RBM6: variants seen among roughly 807,000 people sequenced by gnomAD.
The protein encoded by RBM6 is RNA-binding protein 6.
RBM6 carries 23 observed loss-of-function variants against 140.4 expected under a neutral mutation model. The observed-to-expected ratio is 0.16, with a 90% CI of 0.12 to 0.23. The LOEUF is 0.23. RBM6 is among the 10% of genes least tolerant of loss of function. The pLI is 1.00. For synonymous variants in RBM6, 439 were observed against 475.6 expected, an observed-to-expected ratio of 0.92 and a Z score of 1.00; for missense variants, 1,139 against 1,386.7, an observed-to-expected ratio of 0.82 and a Z score of 2.84.
rs377062660 is a variant in RBM6, at chr3:50,006,708, G to A, written c.1557+7195G>A. Among the ~76,000 whole-genome samples the A allele has an allele frequency of 4.8e-4, 73 of 151,618 alleles. 1 individual carries two copies. In the Middle Eastern group the frequency reaches 0.01, roughly 21 times the overall value. On this transcript the variant is annotated intron_variant, in intron 6 of 20. Transcript: ENST00000266022. Reference sequence around the variant, plus strand: ...AGCAAGTTGGGAGGCCAAGACGGGCGGATCACGAGGTCAGGAGATGGAGAC... The same window carrying A: ...AGCAAGTTGGGAGGCCAAGACGGGCAGATCACGAGGTCAGGAGATGGAGAC...
intron 1 of RBM6, among the ~76,000 whole-genome samples, chr3:49,952,959 G>A (rs2083804238): frequency 6.6e-6 from 1 of 152,170 alleles, no homozygotes; most frequent in Admixed American, 6.6e-5. Context: ...TGTTGCCCAG[G>A]TTGGTCTTGA....
At chr3:49,985,171 T>G (rs2085501531) in intron 5 of RBM6, among the ~76,000 whole-genome samples, 1 of 152,214 alleles carries the variant, frequency 6.6e-6, no homozygotes, top group Non-Finnish European at 1.5e-5. Flanking sequence ...AAGAGGTACT[T>G]CTGCTACAGT....
At chr3:50,004,953 A>G (rs947696196) in intron 6 of RBM6, among the ~76,000 whole-genome samples, 1 of 152,116 alleles carries the variant, frequency 6.6e-6, no homozygotes, top group African/African-American at 2.4e-5. Flanking sequence ...GTATGACACT[A>G]TCAGTCTTTC....
At chr3:50,043,504 GATCT>G (rs1305708994) in intron 6 of RBM6, among the ~76,000 whole-genome samples, 1 of 147,546 alleles carries the variant, frequency 6.8e-6, no homozygotes, top group African/African-American at 2.5e-5. Flanking sequence ...AAAAAAGAGA[GATCT>G]ATCTCTCTTC....
At chr3:49,981,614 C>T (rs1419726072) in intron 5 of RBM6, 1 of 152,184 alleles carries the variant, frequency 6.6e-6, no homozygotes, top group African/African-American at 2.4e-5. Flanking sequence ...GCCTTGCCTA[C>T]CTAATATCAG....
At chr3:49,945,881 C>CAAAAAAA (rs67271820) in intron 1 of RBM6, among the ~76,000 whole-genome samples, 10 of 61,910 alleles carry the variant, frequency 1.6e-4, no homozygotes, top group African/African-American at 2.4e-4. Context: ...GACTCCATCT[C>CAAAAAAA]AAAAAAAAAA....
rs200793534 is a variant in RBM6 at position 49,951,719 on chromosome 3, T to TA, written c.-66-10857_-66-10856insA. 1.9e-4 allele frequency among the ~76,000 whole-genome samples: 28 copies of TA among 150,136 alleles called. 1 individual carries two copies. Among genetic ancestry groups the TA allele is most frequent in the South Asian group, 6.3e-4 (3 of 4,726 alleles). ...CAGTTATTATTATTATTATTATTAT[T>TA]TTTTTGTTGTTCTGTTTTTTTGAGG... On this transcript the variant is annotated intron_variant, in intron 1 of 20. Transcript: ENST00000266022.
intron 8 of RBM6, among the ~76,000 whole-genome samples, chr3:50,056,174 G>A (rs1379913426): frequency 2.0e-5 from 3 of 152,132 alleles, no homozygotes; most frequent in African/African-American, 7.2e-5. Flanking sequence ...GAAGGAGGAT[G>A]AACAACTGAG....
chr3:49,948,143 GGT>G (rs2083573968), intron 1 of RBM6, among the ~76,000 whole-genome samples: 1 of 152,020 alleles, frequency 6.6e-6, no homozygotes, highest in Non-Finnish European at 1.5e-5. Flanking sequence ...ATTTATTTCT[GGT>G]CTCTCCATTC....
chr3:50,057,312 C>T (rs543935250), intron 8 of RBM6, among the ~76,000 whole-genome samples: 6 of 152,058 alleles, frequency 3.9e-5, no homozygotes, highest in African/African-American at 9.7e-5. Context: ...CCAGGCCGGG[C>T]GTGTTTGCTC....
rs775469883 is a variant in RBM6, at chr3:49,967,958, G to A, written c.533G>A (p.Arg178Gln). 2.2e-5 allele frequency: 36 copies of A among 1,614,008 alleles called. No homozygotes were observed. Among genetic ancestry groups the A allele is most frequent in the Non-Finnish European group, 2.8e-5 (33 of 1,180,038 alleles). ...RDAPPSDFRG[R>Q]GTYDLDFRGR... ...GCTCCTCCATCTGACTTCAGGGGCC[G>A]GGGCACTTATGATTTAGATTTTAGA... The change falls in exon 3 of 21, where the codon CGG (arginine) becomes CAG (glutamine). Residue 178 changes from arginine (R) to glutamine (Q), a missense_variant. Around this residue, in one of 9 missense-constraint regions of RBM6, gnomAD observed 566 missense variants for 612.7 expected, o/e 0.92. Transcript: ENST00000266022. The surrounding 1 kb of genome is among the most constrained non-coding windows in gnomAD (Gnocchi z 4.0).
chr3:50,060,323 A>G (rs2089884536), intron 11 of RBM6, among the ~76,000 whole-genome samples: 1 of 152,002 alleles, frequency 6.6e-6, no homozygotes, highest in Non-Finnish European at 1.5e-5. Flanking sequence ...TCCTTCACTC[A>G]TCTTGACCCA....
Position 50,001,647 on chromosome 3 carries a change from C to T in RBM6, c.1557+2134C>T, listed in dbSNP as rs542092494. ...GGTCCTGGAACCAATCCCCTGTGGA[C>T]ACCAAGGGACAACTGTACTAACCAT... On this transcript the variant is annotated intron_variant, in intron 6 of 20. Transcript: ENST00000266022. Among the ~76,000 whole-genome samples the T allele has an allele frequency of 2.1e-4, 32 of 152,238 alleles. 1 individual carries two copies. Among genetic ancestry groups the T allele is most frequent in the African/African-American group, 7.5e-4 (31 of 41,542 alleles).
At chr3:49,998,814 T>C (rs1019292012) in intron 5 of RBM6, among the ~76,000 whole-genome samples, 7 of 152,354 alleles carry the variant, frequency 4.6e-5, no homozygotes, top group Admixed American at 2.0e-4. Flanking sequence ...TTCTTCCTTT[T>C]ATAAAGATTT....
At chr3:50,046,616 A>T (rs1332061486) in intron 6 of RBM6, among the ~76,000 whole-genome samples, 3 of 150,334 alleles carry the variant, frequency 2.0e-5, no homozygotes, top group South Asian at 2.1e-4. Context: ...GGGGCGCTTC[A>T]TCTTGACTAA....
chr3:49,987,255 T>A (rs1488130445), intron 5 of RBM6, among the ~76,000 whole-genome samples: 1 of 151,980 alleles, frequency 6.6e-6, no homozygotes, highest in Non-Finnish European at 1.5e-5. Context: ...AGGCCTCTGA[T>A]GCATATATTT....
chr3:50,076,882 TAA>T (rs199553129), intron 20 of RBM6, 124 bp from the exon 21 acceptor site: 15,795 of 751,626 alleles, frequency 0.021, no homozygotes, highest in South Asian at 0.032. Context: ...TGACTCCATC[TAA>T]AAAAAAAAAA....
chr3:49,969,715 A>T (rs1216043007), intron 3 of RBM6, among the ~76,000 whole-genome samples: 1 of 150,550 alleles, frequency 6.6e-6, no homozygotes, highest in Non-Finnish European at 1.5e-5. Context: ...CTCCCACCTC[A>T]GCCTTCTGAG....
chr3:49,995,783 G>T (rs778137609), intron 5 of RBM6, among the ~76,000 whole-genome samples: 14 of 152,160 alleles, frequency 9.2e-5, no homozygotes, highest in Non-Finnish European at 2.1e-4. Flanking sequence ...TTACCATCTT[G>T]ATGATTCCAT....
Sources: allele counts gnomAD v4.1 joint callset (sites outside exome capture counted in the v4.1 genomes callset), GRCh38; gene constraint gnomAD v4.1.1; regional missense constraint gnomAD v4.1.1; non-coding constraint Gnocchi (gnomAD v3.1); transcripts MANE v1.5; gene names NCBI Gene and HGNC (gene_info 2026-07-23, HGNC 2026-07-21).